Variants in KCNC1 observed in about 807,000 individuals in gnomAD.
KCNC1 encodes voltage-gated potassium channel KCNC1.
A neutral mutation model predicts 43.4 loss-of-function variants in KCNC1; 8 were observed. The observed-to-expected ratio is 0.18, with a 90% confidence interval of 0.11 to 0.33. The LOEUF (loss-of-function observed/expected upper bound fraction) is 0.33. Ranked by LOEUF, KCNC1 falls within the 10% of genes least tolerant of loss-of-function variation. The pLI, the probability that KCNC1 is intolerant of heterozygous loss-of-function variation, is 1.00. For missense variants in KCNC1, 420 were observed against 836.0 expected, an observed-to-expected ratio of 0.50 and a Z score of 6.14; for synonymous variants, 361 against 360.5, an observed-to-expected ratio of 1.00 and a Z score of -0.01.
chr11:17,736,438 GA>G lies in KCNC1; in HGVS notation c.437del (p.Glu146GlyfsTer6). ...ADGPGDSGDGEDELEMTKRLA... is the reference protein window; with the variant it reads ...ADGPGDSGDGXDELEMTKRLA... ...CGGCCCTGGCGACTCGGGCGACGGC[GA>G]GGACGAGCTGGAGATGACCAAGCGC... On this transcript the variant is annotated frameshift_variant, in exon 1 of 4. Coordinates refer to ENST00000265969, the MANE Select transcript of KCNC1 (RefSeq NM_001112741.2). LOFTEE classifies it high-confidence loss of function. This position sits in a 1 kb window ranked among gnomAD's most constrained non-coding sequence, Gnocchi z 9.3. 1 of 1,605,990 alleles carries G rather than the reference GA, an allele frequency of 6.2e-7. No homozygotes were observed. The highest frequency in any genetic ancestry group is 8.5e-7 in the Non-Finnish European group (1 of 1,178,198).
chr11:17,748,495 C>A (rs1848927958), intron 1 of KCNC1, among the ~76,000 whole-genome samples: 1 of 152,136 alleles, frequency 6.6e-6, no homozygotes, highest in East Asian at 1.9e-4. Context: ...CTACTGGGTG[C>A]AATGTCCAAT....
In KCNC1 at chr11:17,736,212, C is replaced by T; in HGVS notation, c.210C>T (p.Tyr70=). The change falls in exon 1 of 4, where the codon TAC becomes TAT. Residue 70 remains tyrosine, a synonymous_variant. Coordinates refer to ENST00000265969, the MANE Select transcript of KCNC1 (RefSeq NM_001112741.2). The surrounding 1 kb of genome is among the most constrained non-coding windows in gnomAD (Gnocchi z 9.3). ...HPGVFAHILN[Y]YRTGKLHCPA... The stretch of plus-strand genomic sequence containing the variant: ...GCGTCTTCGCGCACATCCTGAACTA[C>T]TACCGCACGGGCAAGCTGCACTGCC... 6.2e-7 allele frequency: 1 copy of T among 1,613,858 alleles called. No individual in the cohort carries two copies. Among genetic ancestry groups the T allele is most frequent in the South Asian group, 1.1e-5 (1 of 91,082 alleles).
intron 1 of KCNC1, among the ~76,000 whole-genome samples, chr11:17,762,620 T>C (rs1273098777): frequency 6.6e-6 from 1 of 152,170 alleles, no homozygotes; most frequent in Non-Finnish European, 1.5e-5. Context: ...CTGCTTTGAC[T>C]GGATCTTGAA....
rs61882393 is a variant in KCNC1, at chr11:17,771,248, A to G, written c.571-417A>G. On this transcript the variant is annotated intron_variant, in intron 1 of 3. Transcript: ENST00000265969. The surrounding 1 kb of genome is among the most constrained non-coding windows in gnomAD (Gnocchi z 4.7). Reference sequence around the variant, plus strand: ...TTGCAAACTTCAGCCCCAGCAGGCTAGCTAAATGGGCAGGGTAGCTAAATG... The same window carrying G: ...TTGCAAACTTCAGCCCCAGCAGGCTGGCTAAATGGGCAGGGTAGCTAAATG... 0.7 allele frequency among the ~76,000 whole-genome samples: 105,784 copies of G among 152,034 alleles called. 37,961 individuals carry two copies. Among genetic ancestry groups the G allele is most frequent in the East Asian group, 0.98 (5,061 of 5,168 alleles).
chr11:17,740,508 T>G (rs1268327852), intron 1 of KCNC1, among the ~76,000 whole-genome samples: 1 of 152,054 alleles, frequency 6.6e-6, no homozygotes, highest in African/African-American at 2.4e-5. Flanking sequence ...AAACCTGCCC[T>G]CCTGTCTTCC....
chr11:17,741,396 T>C (rs1848839845), intron 1 of KCNC1, among the ~76,000 whole-genome samples: 1 of 152,126 alleles, frequency 6.6e-6, no homozygotes, highest in Non-Finnish European at 1.5e-5. Context: ...CAGTAAATGC[T>C]CAATAAATGT....
At chr11:17,738,858 G>C (rs1350940022) in intron 1 of KCNC1, among the ~76,000 whole-genome samples, 1 of 152,230 alleles carries the variant, frequency 6.6e-6, no homozygotes, top group Non-Finnish European at 1.5e-5. Flanking sequence ...CTCCCCTTCA[G>C]CCTGTCTGAG....
intron 1 of KCNC1, among the ~76,000 whole-genome samples, chr11:17,760,471 C>T (rs894714811): frequency 2.6e-5 from 4 of 152,230 alleles, no homozygotes; most frequent in Admixed American, 6.5e-5. Flanking sequence ...AGGAGGAAGG[C>T]TCAGTCCACA....
Position 17,781,972 on chromosome 11 carries a change from G to C in KCNC1, c.*238G>C, listed in dbSNP as rs887972443. On this transcript the variant is annotated 3_prime_UTR_variant, in exon 4 of 4. Coordinates refer to ENST00000265969, the MANE Select transcript of KCNC1 (RefSeq NM_001112741.2). The surrounding 1 kb of genome is among the most constrained non-coding windows in gnomAD (Gnocchi z 5.1). ...AATTTTATTTTATTTGGGGAGGGGG[G>C]GTGGAGGGGCTCCTTAGCATGACTT... The C allele has an allele frequency of 2.9e-5, 13 of 451,684 alleles. No individual in the cohort carries two copies. Among genetic ancestry groups the C allele is most frequent in the East Asian group, 6.9e-5 (2 of 28,872 alleles). The allele number at this position is 451,684 out of a possible 1,614,324, so 28.0% of individuals were successfully genotyped here. A position where few individuals can be genotyped will look rare whatever the true frequency, so the allele number is the denominator to read the frequency against.
At chr11:17,769,801 GTT>G in intron 1 of KCNC1, among the ~76,000 whole-genome samples, 1 of 152,340 alleles carries the variant, frequency 6.6e-6, no homozygotes, top group South Asian at 2.1e-4. Context: ...TCAGGAGACA[GTT>G]TTCTGAAAAT....
At chr11:17,743,877 C>G (rs935386654) in intron 1 of KCNC1, among the ~76,000 whole-genome samples, 1 of 152,354 alleles carries the variant, frequency 6.6e-6, no homozygotes, top group African/African-American at 2.4e-5. Context: ...CTCCTGCCCT[C>G]GCTGACGTCA....
At chr11:17,759,684 G>A (rs908441687) in intron 1 of KCNC1, among the ~76,000 whole-genome samples, 2 of 152,150 alleles carry the variant, frequency 1.3e-5, no homozygotes, top group Non-Finnish European at 2.9e-5. Flanking sequence ...AGAGATGGGA[G>A]AACAGCCAGT....
intron 2 of KCNC1, chr11:17,774,962 G>A (rs532011393): frequency 1.0e-5 from 10 of 985,344 alleles, no homozygotes; most frequent in African/African-American, 3.5e-5. Flanking sequence ...GAGGAGTTGC[G>A]GTCTTTAGGG....
In KCNC1 at chr11:17,779,197, C is replaced by G; in HGVS notation, c.1505-259C>G. The stretch of plus-strand genomic sequence containing the variant: ...CCACACCTGCTGGATCCATCACCAA[C>G]TCATCTTTTTGCAAACTTTGAGCAA... On this transcript the variant is annotated intron_variant, in intron 2 of 3. Coordinates refer to ENST00000265969, the MANE Select transcript of KCNC1 (RefSeq NM_001112741.2). The surrounding 1 kb of genome is among the most constrained non-coding windows in gnomAD (Gnocchi z 7.2). 2.4e-6 allele frequency: 1 copy of G among 408,974 alleles called. No homozygotes were observed. Among genetic ancestry groups the G allele is most frequent in the Non-Finnish European group, 4.3e-6 (1 of 230,850 alleles). The allele number at this position is 408,974 out of a possible 1,614,324, so 25.3% of individuals were successfully genotyped here.
At chr11:17,753,787 G>C (rs1372450086) in intron 1 of KCNC1, among the ~76,000 whole-genome samples, 3 of 152,186 alleles carry the variant, frequency 2.0e-5, no homozygotes, top group Non-Finnish European at 4.4e-5. Context: ...GCTGGGAATA[G>C]ACATGGTCTC....
At chr11:17,737,612 G>C (rs931654430) in intron 1 of KCNC1, among the ~76,000 whole-genome samples, 6 of 152,122 alleles carry the variant, frequency 3.9e-5, no homozygotes, top group African/African-American at 1.4e-4. Context: ...AAGAGGAACT[G>C]GTAGCAGCCA....
intron 1 of KCNC1, among the ~76,000 whole-genome samples, chr11:17,758,950 C>T (rs1197025582): frequency 6.6e-6 from 1 of 152,222 alleles, no homozygotes; most frequent in Non-Finnish European, 1.5e-5. Flanking sequence ...TCAGCCTGTC[C>T]TTTGAAGCTT....
intron 2 of KCNC1, chr11:17,774,154 G>C (rs1434823896): frequency 4.4e-5 from 43 of 985,468 alleles, no homozygotes; most frequent in Non-Finnish European, 4.8e-5. Flanking sequence ...TTCTGTAGGT[G>C]CCTGAGAGGA....
chr11:17,774,444 C>T, intron 2 of KCNC1: 1 of 985,538 alleles, frequency 1.0e-6, no homozygotes, highest in Non-Finnish European at 1.2e-6. Context: ...GTCAAGAATC[C>T]CCAGTGCTCT....
Sources: gnomAD v4.1 joint callset for allele counts (sites outside exome capture counted in the v4.1 genomes callset) on GRCh38, gnomAD v4.1.1 for gene constraint, Gnocchi (gnomAD v3.1) non-coding constraint, MANE v1.5 for transcripts, NCBI Gene and HGNC (gene_info 2026-07-23, HGNC 2026-07-21) for gene names.